MYO18A: variants seen among roughly 807,000 people sequenced by gnomAD.
MYO18A encodes unconventional myosin-XVIIIa.
MYO18A carries 78 observed loss-of-function variants against 235.8 expected under a neutral mutation model. That is an observed-to-expected ratio of 0.33 (90% CI 0.28 to 0.40). The LOEUF is 0.40. Ranked by LOEUF, MYO18A falls within the 10% of genes least tolerant of loss-of-function variation. The probability of loss-of-function intolerance (pLI) is 1.00; values close to 1 mark genes in which losing one functional copy is unlikely to be tolerated. For missense variants in MYO18A, 2,215 were observed against 2,699.3 expected (o/e 0.82, Z 3.98); for synonymous variants, 977 against 1,077.8 (o/e 0.91, Z 1.83).
Position 29,073,964 on chromosome 17 carries a change from A to C in MYO18A, c.*806T>G. ...GAACTGCTGTAGTTGGAATGGGTTTACCTTAAATAGGTCATTGCACATAAC... is the reference window on the plus strand; with the variant it reads ...GAACTGCTGTAGTTGGAATGGGTTTCCCTTAAATAGGTCATTGCACATAAC... On this transcript the variant is annotated 3_prime_UTR_variant, in exon 42 of 42. Transcript: ENST00000527372. The C allele has an allele frequency of 1.2e-6, 2 of 1,614,014 alleles. No individual in the cohort carries two copies. Among genetic ancestry groups the C allele is most frequent in the Non-Finnish European group, 1.7e-6 (2 of 1,179,998 alleles).
At chr17:29,175,944 AGCT>A (rs1465359268) in intron 1 of MYO18A, among the ~76,000 whole-genome samples, 1 of 152,128 alleles carries the variant, frequency 6.6e-6, no homozygotes, top group African/African-American at 2.4e-5. Context: ...CTGTAATCCC[AGCT>A]GCTCGGGAGG....
At chr17:29,124,848 G>C (rs1267263517) in intron 2 of MYO18A, among the ~76,000 whole-genome samples, 1 of 152,164 alleles carries the variant, frequency 6.6e-6, no homozygotes, top group East Asian at 1.9e-4. Context: ...CAGGACCTGG[G>C]ACCTGGCCTG....
chr17:29,121,135 C>T lies in MYO18A; in HGVS notation c.1448G>A (p.Arg483Lys), dbSNP rs749697517. The T allele has an allele frequency of 6.2e-7, 1 of 1,611,112 alleles. No individual in the cohort carries two copies. Among genetic ancestry groups the T allele is most frequent in the African/African-American group, 1.3e-5 (1 of 74,994 alleles). Residue 483 changes from arginine (R) to lysine (K), a missense_variant, in exon 6 of 42, where the codon AGG becomes AAG. By Grantham distance (26) the Arg-to-Lys change is conservative. Transcript: ENST00000527372. The surrounding 1 kb of genome is among the most constrained non-coding windows in gnomAD (Gnocchi z 4.2). ...ATCCTGACGGCTCATCAGCATCGCC[C>T]TGTATGCGGTCTGGGCCACTGCATA... Reference protein sequence around the residue: ...HIYAVAQTAYRAMLMSRQDQS... With the variant: ...HIYAVAQTAYKAMLMSRQDQS...
At chr17:29,136,247 AAAAATAT>A (rs1191586552) in intron 2 of MYO18A, among the ~76,000 whole-genome samples, 26 of 72,142 alleles carry the variant, frequency 3.6e-4, no homozygotes, top group African/African-American at 1.0e-3. Flanking sequence ...AAAAAAAAAA[AAAAATAT>A]ATATATATAT....
intron 34 of MYO18A, among the ~76,000 whole-genome samples, chr17:29,092,008 C>T (rs1380239844): frequency 6.6e-6 from 1 of 152,262 alleles, no homozygotes; most frequent in Non-Finnish European, 1.5e-5. Flanking sequence ...TGTGCTTCTG[C>T]TAATCTCTAG....
rs200040962 is a variant in MYO18A at position 29,098,156 on chromosome 17, G to A, written c.3939C>T (p.Asp1313=). Residue 1313 remains aspartate (D), a synonymous_variant, in exon 25 of 42, where the codon GAC becomes GAT. Coordinates refer to ENST00000527372, the MANE Select transcript of MYO18A (RefSeq NM_078471.4). ...NTGESASQLL[D]AETAERLRAE... ...CCCGGAGCCTCTCTGCTGTCTCCGC[G>A]TCCAGCAGCTGGGAGGCGGACTCTC... 2.3e-4 allele frequency: 378 copies of A among 1,613,850 alleles called. 2 individuals are homozygous for A. The highest frequency in any genetic ancestry group is 5.1e-4 in the African/African-American group (38 of 75,030).
intron 11 of MYO18A, 101 bp from the exon 12 acceptor site, chr17:29,115,941 A>T: frequency 7.3e-7 from 1 of 1,367,974 alleles, no homozygotes; most frequent in East Asian, 2.5e-5. Flanking sequence ...TGGAGGCAAA[A>T]GCCAGCCCTG....
At chr17:29,137,093 G>A (rs2067622102) in intron 2 of MYO18A, 1 of 152,156 alleles carries the variant, frequency 6.6e-6, no homozygotes, top group African/African-American at 2.4e-5. Context: ...TTCTAGATAA[G>A]GAAATAAAGA....
In MYO18A at chr17:29,098,844, C is replaced by G; in HGVS notation, c.3762G>C (p.Glu1254Asp). ...CACATACGTCTTTGTTCCGGATCTG[C>G]TCCTCTGACAGCTGTACTTCGATGA... Reference protein sequence around the residue: ...RPLIEVQLSEEQIRNKDEEIQ... With the variant: ...RPLIEVQLSEDQIRNKDEEIQ... The change falls in exon 23 of 42, where the codon GAG (glutamate) becomes GAC (aspartate). Residue 1254 changes from glutamate to aspartate, a missense_variant. Physicochemically the swap from Glu to Asp is conservative, Grantham distance 45. Coordinates refer to ENST00000527372, the MANE Select transcript of MYO18A (RefSeq NM_078471.4). 1 of 1,613,992 alleles carries G rather than the reference C, an allele frequency of 6.2e-7. No individual in the cohort carries two copies.
At chr17:29,148,297 A>G (rs1039992594) in intron 2 of MYO18A, among the ~76,000 whole-genome samples, 3 of 152,226 alleles carry the variant, frequency 2.0e-5, no homozygotes, top group Non-Finnish European at 4.4e-5. Context: ...TGATCCTTGT[A>G]TTACAAATTT....
intron 21 of MYO18A, among the ~76,000 whole-genome samples, chr17:29,102,292 G>A (rs895354559): frequency 2.0e-5 from 3 of 152,218 alleles, no homozygotes; most frequent in African/African-American, 7.2e-5. Flanking sequence ...GCTGGAGGAG[G>A]TGCCATCCCC....
chr17:29,159,172 T>C (rs745520291), intron 2 of MYO18A, among the ~76,000 whole-genome samples: 1 of 152,124 alleles, frequency 6.6e-6, no homozygotes, highest in Non-Finnish European at 1.5e-5. Flanking sequence ...GAAGGCAGAA[T>C]GGTGCCTCCA....
rs1161261726 is a variant in MYO18A at position 29,166,004 on chromosome 17, G to A, written c.937C>T (p.Leu313Phe). 6.2e-7 allele frequency: 1 copy of A among 1,613,654 alleles called. No individual in the cohort carries two copies. The highest frequency in any genetic ancestry group is 2.2e-5 in the East Asian group (1 of 44,878). ...AGCCAGCTCCTGCTGAGCTCGCTGA[G>A]CTCTGGAATGGGCTGCACCTTGAGC... ...VRLKVQPIPE[L>F]SELSRSWLRS... The change falls in exon 2 of 42, where the codon CTC becomes TTC. Residue 313 changes from leucine (L) to phenylalanine (F), a missense_variant. By Grantham distance (22) the Leu-to-Phe change is conservative. Coordinates refer to ENST00000527372, the MANE Select transcript of MYO18A (RefSeq NM_078471.4).
chr17:29,090,967 G>A, intron 34 of MYO18A, 41 bp from the exon 35 acceptor site: 2 of 1,532,352 alleles, frequency 1.3e-6, no homozygotes, highest in Non-Finnish European at 1.8e-6. Context: ...CTCAGGCCCA[G>A]TGTGCCTGTG....
chr17:29,089,237 C>G (rs2066333954), intron 37 of MYO18A, among the ~76,000 whole-genome samples: 1 of 150,934 alleles, frequency 6.6e-6, no homozygotes, highest in African/African-American at 2.4e-5. Flanking sequence ...TCAAGACCAT[C>G]CTGGCCAACA....
At chr17:29,174,595 A>AGG (rs1458718160) in intron 1 of MYO18A, among the ~76,000 whole-genome samples, 1 of 152,188 alleles carries the variant, frequency 6.6e-6, no homozygotes. Context: ...CAGGCAGATC[A>AGG]CTTGAGGTCA....
At chr17:29,086,265 C>T (rs1294245230) in intron 39 of MYO18A, among the ~76,000 whole-genome samples, 173 bp downstream of exon 39, 2 of 152,156 alleles carry the variant, frequency 1.3e-5, no homozygotes, top group Non-Finnish European at 2.9e-5. Context: ...CCTGTCTCAC[C>T]GTCTGCCCCT....
chr17:29,159,891 G>A (rs919391554), intron 2 of MYO18A, among the ~76,000 whole-genome samples: 8 of 152,200 alleles, frequency 5.3e-5, no homozygotes, highest in African/African-American at 1.2e-4. Context: ...CTGCAGGCCC[G>A]AGAAGCTGGC....
In MYO18A at chr17:29,074,164, G is replaced by A. The variant is rs1356073996; in HGVS notation, c.*606C>T. 3.1e-6 allele frequency: 5 copies of A among 1,612,412 alleles called. No individual in the cohort carries two copies. The Admixed American group carries it at 5.0e-5, about 16-fold the overall frequency. ...CAGCGTCTCCAGCTGCACAGAGAAAGGACTGCTCTCTGAAGGGTGAAGATG... is the reference window on the plus strand; with the variant it reads ...CAGCGTCTCCAGCTGCACAGAGAAAAGACTGCTCTCTGAAGGGTGAAGATG... On this transcript the variant is annotated 3_prime_UTR_variant, in exon 42 of 42. Coordinates refer to ENST00000527372, the MANE Select transcript of MYO18A (RefSeq NM_078471.4). The surrounding 1 kb of genome is among the most constrained non-coding windows in gnomAD (Gnocchi z 4.4).
Sources: allele counts gnomAD v4.1 joint callset (sites outside exome capture counted in the v4.1 genomes callset), GRCh38; gene constraint gnomAD v4.1.1; non-coding constraint Gnocchi (gnomAD v3.1); transcripts MANE v1.5; gene names NCBI Gene and HGNC (gene_info 2026-07-23, HGNC 2026-07-21).